KLHL32: variants seen among roughly 807,000 people sequenced by gnomAD.
KLHL32 encodes the protein kelch like family member 32.
Under a neutral mutation model 64.8 loss-of-function variants are expected in KLHL32, and 35 were observed. The ratio of observed to expected loss-of-function variants is 0.54; its 90% CI spans 0.41 to 0.72. KLHL32 has a LOEUF of 0.72. Ranked by LOEUF, KLHL32 falls within the 30% of genes least tolerant of loss-of-function variation. KLHL32 has a pLI of 0.00. For synonymous variants in KLHL32, 259 were observed against 281.0 expected, an observed-to-expected ratio of 0.92 and a Z score of 0.78; for missense variants, 589 against 768.5, an observed-to-expected ratio of 0.77 and a Z score of 2.76.
At chr6:97,060,665 C>G (rs1446806870) in intron 4 of KLHL32, among the ~76,000 whole-genome samples, 1 of 152,188 alleles carries the variant, frequency 6.6e-6, no homozygotes, top group East Asian at 1.9e-4. Flanking sequence ...CTCCTGTCTG[C>G]TACCAACCCT....
At chr6:97,002,959 A>G (rs763065562) in intron 3 of KLHL32, among the ~76,000 whole-genome samples, 60 of 152,276 alleles carry the variant, frequency 3.9e-4, no homozygotes, top group Middle Eastern at 3.4e-3. Context: ...TGCACTGAAC[A>G]TGCATGTGTC....
chr6:97,096,311 G>C (rs1211264022), intron 6 of KLHL32, among the ~76,000 whole-genome samples: 2 of 152,146 alleles, frequency 1.3e-5, no homozygotes, highest in Non-Finnish European at 2.9e-5. Flanking sequence ...ACACATATTA[G>C]ATGCATATTA....
chr6:96,911,824 CTTTTTTTTTTTTTTTT>C, the KLHL32 span, among the ~76,000 whole-genome samples: 1 of 54,078 alleles, frequency 1.8e-5, no homozygotes, highest in Non-Finnish European at 3.4e-5. Flanking sequence ...CTCGGTCCTT[CTTTTTTTTTTTTTTTT>C]TTTTTTTTTT....
chr6:96,932,565 C>A (rs1313944152), intron 1 of KLHL32, among the ~76,000 whole-genome samples: 1 of 34,832 alleles, frequency 2.9e-5, no homozygotes, highest in African/African-American at 2.7e-4. Flanking sequence ...TTGTCAATTT[C>A]CCCCCCCCCC....
chr6:96,899,794 C>G, the KLHL32 span, among the ~76,000 whole-genome samples: 1 of 152,176 alleles, frequency 6.6e-6, no homozygotes, highest in East Asian at 1.9e-4. Flanking sequence ...CTTAAGAACT[C>G]CTGTTGGGCT....
intron 1 of KLHL32, among the ~76,000 whole-genome samples, chr6:96,958,131 G>A (rs1049135726): frequency 6.6e-6 from 1 of 152,164 alleles, no homozygotes; most frequent in Admixed American, 6.5e-5. Context: ...TTAGTAAATT[G>A]CACTGGGACA....
chr6:96,939,928 G>T lies in KLHL32; in HGVS notation c.-66+14902G>T, dbSNP rs183069325. On this transcript the variant is annotated intron_variant, in intron 1 of 10. Transcript: ENST00000369261. ...GCCTAGGGAGGTGGGAATAGAGAAG[G>T]AGAGAAATTGCCTAAGGACAACTCA... 2.6e-5 allele frequency among the ~76,000 whole-genome samples: 4 copies of T among 152,200 alleles called. No homozygotes were observed. In the East Asian group the frequency reaches 7.7e-4, roughly 29 times the overall value.
chr6:97,132,856 C>T (rs779829876), intron 10 of KLHL32, 109 bp downstream of exon 10: 11 of 735,638 alleles, frequency 1.5e-5, no homozygotes, highest in African/African-American at 7.3e-5. Context: ...AGAGGCTTAA[C>T]GTCCCGTTTT....
chr6:96,923,626 G>A (rs1197073545), upstream of KLHL32, among the ~76,000 whole-genome samples: 1 of 152,180 alleles, frequency 6.6e-6, no homozygotes, highest in Non-Finnish European at 1.5e-5. Flanking sequence ...CCACTGATTT[G>A]AGACCAATGA....
chr6:96,976,031 C>A lies in KLHL32; in HGVS notation c.58C>A (p.His20Asn). ...AATGCTGACAGGCCAGAGGCTCTGC[C>A]ACTCCGAATCTCACAATGACAGTGT... is the stretch of plus-strand genomic sequence containing the variant. ...QEMLTGQRLC[H>N]SESHNDSVLA... is the part of the protein sequence containing the mutation. The change falls in exon 3 of 11, where the codon CAC becomes AAC. Residue 20 changes from histidine to asparagine, a missense_variant. By Grantham distance (68) the His-to-Asn change is moderately conservative (BLOSUM62 1). Around this residue, in one of 3 missense-constraint regions of KLHL32, gnomAD observed 191 missense variants for 223.3 expected, o/e 0.86. Coordinates refer to ENST00000369261, the MANE Select transcript of KLHL32 (RefSeq NM_052904.4). 1 of 1,592,300 alleles carries A rather than the reference C, an allele frequency of 6.3e-7. No individual in the cohort carries two copies. The highest frequency in any genetic ancestry group is 8.6e-7 in the Non-Finnish European group (1 of 1,164,404).
chr6:97,056,101 TTTTTC>T (rs1562286970), intron 4 of KLHL32, among the ~76,000 whole-genome samples: 9 of 109,932 alleles, frequency 8.2e-5, no homozygotes, highest in African/African-American at 2.3e-4. Context: ...TTTTTCTTTT[TTTTTC>T]TTTTTTTTTT....
intron 1 of KLHL32, among the ~76,000 whole-genome samples, chr6:96,957,825 T>G (rs1237804024): frequency 1.3e-5 from 2 of 152,236 alleles, no homozygotes; most frequent in Non-Finnish European, 1.5e-5. Flanking sequence ...ATCCTTATTC[T>G]TATATAAAGA....
chr6:96,996,286 T>C (rs767047037), intron 3 of KLHL32, among the ~76,000 whole-genome samples: 6 of 152,204 alleles, frequency 3.9e-5, no homozygotes, highest in Non-Finnish European at 5.9e-5. Flanking sequence ...TTTGGAAAAT[T>C]AAATATTTGA....
intron 1 of KLHL32, among the ~76,000 whole-genome samples, chr6:96,937,836 G>A (rs1196062852): frequency 1.3e-5 from 2 of 152,096 alleles, no homozygotes; most frequent in Admixed American, 6.5e-5. Flanking sequence ...TATCTTTAGA[G>A]ATGTGGCTTC....
At chr6:96,939,787 A>C (rs1468199991) in intron 1 of KLHL32, among the ~76,000 whole-genome samples, 1 of 152,120 alleles carries the variant, frequency 6.6e-6, no homozygotes, top group Non-Finnish European at 1.5e-5. Context: ...GTAATGATGA[A>C]GTGGCAGGAA....
At chr6:96,933,421 T>C (rs1770185681) in intron 1 of KLHL32, among the ~76,000 whole-genome samples, 1 of 152,278 alleles carries the variant, frequency 6.6e-6, no homozygotes, top group East Asian at 1.9e-4. Context: ...GACTCCTTTG[T>C]TGGATGCAGG....
intron 1 of KLHL32, among the ~76,000 whole-genome samples, chr6:96,927,259 T>C (rs1769276845): frequency 6.6e-6 from 1 of 152,230 alleles, no homozygotes; most frequent in African/African-American, 2.4e-5. Context: ...AGTTGAGTGC[T>C]TGTTATAGGA....
At chr6:96,951,024 G>A (rs1220263363) in intron 1 of KLHL32, among the ~76,000 whole-genome samples, 5 of 152,144 alleles carry the variant, frequency 3.3e-5, no homozygotes, top group Non-Finnish European at 5.9e-5. Context: ...CTCACAAAAC[G>A]TGTAATTCTG....
chr6:97,046,211 T>C (rs1167836399), intron 4 of KLHL32, among the ~76,000 whole-genome samples: 3 of 152,216 alleles, frequency 2.0e-5, no homozygotes, highest in Non-Finnish European at 4.4e-5. Context: ...TTATGCGTGC[T>C]GTTTAAACTA....
Sources: gnomAD v4.1 joint callset for allele counts (sites outside exome capture counted in the v4.1 genomes callset) on GRCh38, gnomAD v4.1.1 for gene constraint, gnomAD v4.1.1 regional missense constraint, MANE v1.5 for transcripts, NCBI Gene and HGNC (gene_info 2026-07-23, HGNC 2026-07-21) for gene names.